Variants in PIEZO2 observed in about 807,000 individuals in gnomAD.
PIEZO2 encodes the protein piezo type mechanosensitive ion channel component 2, also known as piezo-type mechanosensitive ion channel component 2.
Under a neutral mutation model 337.3 loss-of-function variants are expected in PIEZO2, and 172 were observed. That is an observed-to-expected ratio of 0.51 (90% confidence interval 0.45 to 0.58). PIEZO2 has a LOEUF of 0.58. Ranked by LOEUF, PIEZO2 falls within the 20% of genes least tolerant of loss-of-function variation. PIEZO2 has a pLI of 0.00. For synonymous variants in PIEZO2, 1,251 were observed against 1,228.5 expected (o/e 1.02, Z -0.38); for missense variants, 3,028 against 3,391.3 (o/e 0.89, Z 2.66).
At chr18:10,733,987 T>C (rs1277239868) in intron 35 of PIEZO2, among the ~76,000 whole-genome samples, 3 of 152,046 alleles carry the variant, frequency 2.0e-5, no homozygotes, top group South Asian at 4.1e-4. Context: ...TATGTGAAAA[T>C]ACACTTATTC....
At chr18:10,687,637 C>T (rs2034605732) in intron 49 of PIEZO2, among the ~76,000 whole-genome samples, 1 of 152,180 alleles carries the variant, frequency 6.6e-6, no homozygotes, top group Non-Finnish European at 1.5e-5. Flanking sequence ...TTTAAACTTG[C>T]TCCAAGTAGA....
chr18:10,785,424 A>G (rs1359027067), intron 16 of PIEZO2, among the ~76,000 whole-genome samples: 1 of 152,230 alleles, frequency 6.6e-6, no homozygotes, highest in Non-Finnish European at 1.5e-5. Context: ...GTGCATCTAC[A>G]GCGCAGGCTC....
At chr18:10,916,392 T>G (rs1266650984) in intron 3 of PIEZO2, among the ~76,000 whole-genome samples, 1 of 152,130 alleles carries the variant, frequency 6.6e-6, no homozygotes, top group Non-Finnish European at 1.5e-5. Flanking sequence ...GCGGTAGGGC[T>G]CAGGCATGGC....
intron 2 of PIEZO2, among the ~76,000 whole-genome samples, chr18:11,054,437 C>T (rs1568333251): frequency 6.6e-6 from 1 of 152,206 alleles, no homozygotes; most frequent in Non-Finnish European, 1.5e-5. Context: ...TTCATACGTT[C>T]GTCTAAAATC....
chr18:10,808,306 G>A (rs373012804), intron 7 of PIEZO2, among the ~76,000 whole-genome samples: 118 of 152,200 alleles, frequency 7.8e-4, no homozygotes, highest in African/African-American at 2.6e-3. Flanking sequence ...TGCCCAGGCT[G>A]GTCTCGAACT....
Position 10,899,152 on chromosome 18 carries a change from C to T in PIEZO2, c.329+12034G>A, listed in dbSNP as rs1177982781. ...AAAAGACCTAACTGCCTTCGTTCAG[C>T]TGTCAAGAAGTTACTCAACCTCTTG... On this transcript the variant is annotated intron_variant, in intron 4 of 55. Coordinates refer to ENST00000674853, the MANE Select transcript of PIEZO2 (RefSeq NM_001378183.1). The surrounding 1 kb of genome is among the most constrained non-coding windows in gnomAD (Gnocchi z 4.6). Among the ~76,000 whole-genome samples the T allele has an allele frequency of 2.6e-5, 4 of 152,194 alleles. No homozygotes were observed. Among genetic ancestry groups the T allele is most frequent in the East Asian group, 1.9e-4 (1 of 5,186 alleles).
At chr18:11,074,298 G>A (rs1204524985) in intron 1 of PIEZO2, among the ~76,000 whole-genome samples, 1 of 152,124 alleles carries the variant, frequency 6.6e-6, no homozygotes, top group Non-Finnish European at 1.5e-5. Context: ...TCAGGGAGCT[G>A]TACCTTCATC....
rs2039133090 is a variant in PIEZO2, at chr18:10,784,231, A to T, written c.2492+553T>A. On this transcript the variant is annotated intron_variant, in intron 17 of 55. Coordinates refer to ENST00000674853, the MANE Select transcript of PIEZO2 (RefSeq NM_001378183.1). This position sits in a 1 kb window ranked among gnomAD's most constrained non-coding sequence, Gnocchi z 4.5. ...ATTTGCAAACAATGTATATTTATTGATGAGGATAAAACAGCCGTAAGCTGC... is the reference window on the plus strand; with the variant it reads ...ATTTGCAAACAATGTATATTTATTGTTGAGGATAAAACAGCCGTAAGCTGC... 6.6e-6 allele frequency among the ~76,000 whole-genome samples: 1 copy of T among 152,224 alleles called. No individual in the cohort carries two copies. Among genetic ancestry groups the T allele is most frequent in the African/African-American group, 2.4e-5 (1 of 41,456 alleles).
At position 10,969,059 on chromosome 18, in the gene PIEZO2, AAAT is replaced by A. The variant is rs142304302; in HGVS notation, c.286+10473_286+10475del. On this transcript the variant is annotated intron_variant, in intron 3 of 55. Coordinates refer to ENST00000674853, the MANE Select transcript of PIEZO2 (RefSeq NM_001378183.1). This position sits in a 1 kb window ranked among gnomAD's most constrained non-coding sequence, Gnocchi z 4.5. ...AAAAATAACTAAGCTTATGTCATAC[AAAT>A]AATATTTTCTAGAATGTCATTACTA... 6.6e-6 allele frequency among the ~76,000 whole-genome samples: 1 copy of A among 152,350 alleles called. No individual in the cohort carries two copies. Among genetic ancestry groups the A allele is most frequent in the Non-Finnish European group, 1.5e-5 (1 of 68,030 alleles).
intron 36 of PIEZO2, among the ~76,000 whole-genome samples, chr18:10,725,641 C>T (rs1182582616): frequency 6.6e-6 from 1 of 152,238 alleles, no homozygotes; most frequent in African/African-American, 2.4e-5. Context: ...TAGGCCAGAA[C>T]ATGCCTGCCC....
rs1237275374 is a variant in PIEZO2 at position 11,105,664 on chromosome 18, A to G, written c.65-39442T>C. On this transcript the variant is annotated intron_variant, in intron 1 of 55. Transcript: ENST00000674853. The surrounding 1 kb of genome is among the most constrained non-coding windows in gnomAD (Gnocchi z 4.3). ...GAAGCCTGGAAGCCGCTACAAAGCA[A>G]TATTTCAACATCACGTGTCCTCTGA... is the stretch of plus-strand genomic sequence containing the variant. Among the ~76,000 whole-genome samples, 1 of 152,204 alleles carries G rather than the reference A, an allele frequency of 6.6e-6. No homozygotes were observed. The highest frequency in any genetic ancestry group is 1.9e-4 in the East Asian group (1 of 5,194).
chr18:11,012,856 A>G (rs912145775), intron 2 of PIEZO2, among the ~76,000 whole-genome samples: 2 of 152,198 alleles, frequency 1.3e-5, no homozygotes, highest in Non-Finnish European at 2.9e-5. Flanking sequence ...GCCAGCCTGG[A>G]CATCACAGTG....
At position 10,682,813 on chromosome 18, in the gene PIEZO2, T is replaced by C. The variant is rs1028655209; in HGVS notation, c.7498-521A>G. Among the ~76,000 whole-genome samples, 1 of 136,318 alleles carries C rather than the reference T, an allele frequency of 7.3e-6. No individual in the cohort carries two copies. Among genetic ancestry groups the C allele is most frequent in the Non-Finnish European group, 1.6e-5 (1 of 61,378 alleles). The allele number at this position is 136,318 out of a possible 152,430, so 89.4% of individuals were successfully genotyped here. On this transcript the variant is annotated intron_variant, in intron 49 of 55. Transcript: ENST00000674853. This position sits in a 1 kb window ranked among gnomAD's most constrained non-coding sequence, Gnocchi z 5.6. ...TGTTCGACACCTAAGGTAAGATTTG[T>C]ATGATTAGAAGAGCCCCCTCTGGGC... is the stretch of plus-strand genomic sequence containing the variant.
intron 3 of PIEZO2, among the ~76,000 whole-genome samples, chr18:10,951,547 A>G (rs1435893685): frequency 1.3e-5 from 2 of 152,200 alleles, no homozygotes; most frequent in East Asian, 3.9e-4. Context: ...TGTTGCCACC[A>G]CTACTTAAAA....
chr18:10,934,386 A>G (rs926411988), intron 3 of PIEZO2, among the ~76,000 whole-genome samples: 10 of 152,220 alleles, frequency 6.6e-5, no homozygotes, highest in African/African-American at 2.4e-4. Context: ...CAGGCCCTGC[A>G]GCTTCAGGTG....
Position 10,940,323 on chromosome 18 carries a change from C to A in PIEZO2, c.287-29095G>T, listed in dbSNP as rs1181179066. Reference sequence around the variant, plus strand: ...CCTCTTCACCCTAACAGATTAGCACCTTTTAGTTAAGTACAGTGATTCTGT... The same window carrying A: ...CCTCTTCACCCTAACAGATTAGCACATTTTAGTTAAGTACAGTGATTCTGT... On this transcript the variant is annotated intron_variant, in intron 3 of 55. Coordinates refer to ENST00000674853, the MANE Select transcript of PIEZO2 (RefSeq NM_001378183.1). The surrounding 1 kb of genome is among the most constrained non-coding windows in gnomAD (Gnocchi z 5.3). 6.6e-6 allele frequency among the ~76,000 whole-genome samples: 1 copy of A among 152,152 alleles called. No homozygotes were observed. The highest frequency in any genetic ancestry group is 1.9e-4 in the East Asian group (1 of 5,198).
rs1370952348 is a variant in PIEZO2, at chr18:10,945,553, A to C, written c.286+33982T>G. On this transcript the variant is annotated intron_variant, in intron 3 of 55. Transcript: ENST00000674853. This position sits in a 1 kb window ranked among gnomAD's most constrained non-coding sequence, Gnocchi z 4.0. ...AGATCAAAACATTTCCAAATAACTT[A>C]ACTGCATTTCAGAACCAAGCTTAAA... 1.3e-5 allele frequency among the ~76,000 whole-genome samples: 2 copies of C among 152,210 alleles called. No individual in the cohort carries two copies. The highest frequency in any genetic ancestry group is 2.9e-5 in the Non-Finnish European group (2 of 68,036).
At chr18:10,776,130 A>T (rs1432113578) in intron 18 of PIEZO2, among the ~76,000 whole-genome samples, 1 of 152,084 alleles carries the variant, frequency 6.6e-6, no homozygotes, top group Non-Finnish European at 1.5e-5. Flanking sequence ...TCTTTTTCTC[A>T]TTTTTATGGT....
At chr18:11,034,289 C>CT (rs1179582246) in intron 2 of PIEZO2, among the ~76,000 whole-genome samples, 121 of 151,154 alleles carry the variant, frequency 8.0e-4, no homozygotes, top group African/African-American at 2.9e-3. Context: ...TGTATCATTT[C>CT]TTTTCTTTTC....
Sources: gnomAD v4.1 joint callset for allele counts (sites outside exome capture counted in the v4.1 genomes callset) on GRCh38, gnomAD v4.1.1 for gene constraint, Gnocchi (gnomAD v3.1) non-coding constraint, MANE v1.5 for transcripts, NCBI Gene and HGNC (gene_info 2026-07-23, HGNC 2026-07-21) for gene names.